NINL: variants seen among roughly 807,000 people sequenced by gnomAD.
NINL encodes the protein ninein-like protein.
In NINL, 153 loss-of-function variants were observed where a neutral mutation model predicts 160.3. The observed-to-expected ratio is 0.95, with a 90% CI of 0.84 to 1.09. The LOEUF (loss-of-function observed/expected upper bound fraction) is 1.09, where lower values mean the gene tolerates loss of function less well. Ranked by LOEUF, NINL falls within the 50% of genes least tolerant of loss-of-function variation. The pLI is 0.00. For missense variants in NINL, 1,829 were observed against 1,764.0 expected, an observed-to-expected ratio of 1.04 and a Z score of -0.66; for synonymous variants, 800 against 734.8, an observed-to-expected ratio of 1.09 and a Z score of -1.43.
At chr20:25,534,510 T>G (rs13040440) in intron 1 of NINL, among the ~76,000 whole-genome samples, 20 of 152,202 alleles carry the variant, frequency 1.3e-4, no homozygotes, top group Non-Finnish European at 2.8e-4. Context: ...CAAACCAAGA[T>G]AGCATGGCCT....
chr20:25,537,857 G>C (rs542900751), intron 1 of NINL, among the ~76,000 whole-genome samples: 1 of 152,312 alleles, frequency 6.6e-6, no homozygotes, highest in African/African-American at 2.4e-5. Flanking sequence ...CTCCTGACAA[G>C]AGTCGAAATG....
At chr20:25,541,973 A>G (rs1329838864) in intron 1 of NINL, among the ~76,000 whole-genome samples, 1 of 152,184 alleles carries the variant, frequency 6.6e-6, no homozygotes, top group Non-Finnish European at 1.5e-5. Context: ...GCAATCAACT[A>G]TTTCAAAACT....
chr20:25,574,338 C>CTTG (rs2065090558), intron 1 of NINL, among the ~76,000 whole-genome samples: 1 of 151,780 alleles, frequency 6.6e-6, no homozygotes, highest in Non-Finnish European at 1.5e-5. Flanking sequence ...GGGCAAGGGC[C>CTTG]TTGTGCCCAC....
chr20:25,453,606 C>T lies in NINL; in HGVS notation c.3994G>A (p.Glu1332Lys), dbSNP rs1434819347. 6.2e-7 allele frequency: 1 copy of T among 1,611,288 alleles called. No homozygotes were observed. The highest frequency in any genetic ancestry group is 8.5e-7 in the Non-Finnish European group (1 of 1,178,694). ...KNTKSDLLLK[E>K]LYVENAHLVR... ...AGGTGGGCGTTCTCCACGTACAGCT[C>T]CTTCAGCAGCAGGTCGGACTTCGTG... The change falls in exon 24 of 24, where the codon GAG becomes AAG. Residue 1332 changes from glutamate (E) to lysine (K), a missense_variant. Glu to Lys is a moderately conservative substitution (Grantham distance 56). Transcript: ENST00000278886.
intron 3 of NINL, among the ~76,000 whole-genome samples, chr20:25,515,471 G>C (rs1439098613): frequency 1.3e-5 from 2 of 152,126 alleles, no homozygotes; most frequent in African/African-American, 4.8e-5. Context: ...CTTTGGACTT[G>C]GGTTTTTGAG....
intron 1 of NINL, among the ~76,000 whole-genome samples, chr20:25,561,627 G>A (rs2064938840): frequency 6.6e-6 from 1 of 151,850 alleles, no homozygotes; most frequent in South Asian, 2.1e-4. Context: ...TAGGAAGTGA[G>A]GAGCGTCTCT....
At chr20:25,518,936 A>G (rs1210506222) in intron 2 of NINL, among the ~76,000 whole-genome samples, 1 of 152,094 alleles carries the variant, frequency 6.6e-6, no homozygotes, top group Non-Finnish European at 1.5e-5. Context: ...CATCTCTGCT[A>G]AAAATTCAAA....
intron 19 of NINL, among the ~76,000 whole-genome samples, chr20:25,463,867 C>T (rs1302937562): frequency 1.3e-5 from 2 of 152,248 alleles, no homozygotes; most frequent in African/African-American, 4.8e-5. Flanking sequence ...CTCACCTCAT[C>T]CCTTCCCTAG....
intron 1 of NINL, among the ~76,000 whole-genome samples, chr20:25,553,999 A>G (rs1218382301): frequency 6.6e-6 from 1 of 152,226 alleles, no homozygotes; most frequent in East Asian, 1.9e-4. Context: ...CCAGGCAGCT[A>G]TGGCTGGACC....
At chr20:25,542,424 CAAG>C (rs1003169900) in intron 1 of NINL, among the ~76,000 whole-genome samples, 26 of 151,598 alleles carry the variant, frequency 1.7e-4, no homozygotes, top group African/African-American at 5.1e-4. Flanking sequence ...CAGAGGAGAC[CAAG>C]AAGAAGAATG....
chr20:25,574,215 C>T (rs73337372), intron 1 of NINL, among the ~76,000 whole-genome samples: 13,304 of 152,212 alleles, frequency 0.087, 956 homozygotes, highest in African/African-American at 0.2. Context: ...TCCATTATCT[C>T]AACTGACTCA....
At chr20:25,494,955 A>G (rs1048657347) in intron 10 of NINL, among the ~76,000 whole-genome samples, 9 of 152,134 alleles carry the variant, frequency 5.9e-5, no homozygotes, top group African/African-American at 2.2e-4. Context: ...AGCTTCACAC[A>G]CGCACGCTCA....
chr20:25,479,333 G>T, intron 15 of NINL, 127 bp from the exon 16 acceptor site: 2 of 1,224,634 alleles, frequency 1.6e-6, no homozygotes, highest in Non-Finnish European at 2.3e-6. Context: ...CTGCCGAGGT[G>T]CCAGGGTGTG....
chr20:25,518,380 A>G (rs2064200630), intron 2 of NINL, among the ~76,000 whole-genome samples: 2 of 152,194 alleles, frequency 1.3e-5, no homozygotes. Context: ...AATGTGCCCT[A>G]TTGGCACATT....
chr20:25,479,797 C>T lies in NINL; in HGVS notation c.1917+364G>A, dbSNP rs186696564. Among the ~76,000 whole-genome samples, 712 of 152,328 alleles carry T rather than the reference C, an allele frequency of 4.7e-3. 1 individual carries two copies. Among genetic ancestry groups the T allele is most frequent in the Non-Finnish European group, 6.8e-3 (463 of 68,028 alleles). The stretch of plus-strand genomic sequence containing the variant: ...CCCTGGCCTCAAAGCCACTGAGCTA[C>T]CCAGGGGGCAAATGCCAGGTCGCTC... On this transcript the variant is annotated intron_variant, in intron 15 of 23. Transcript: ENST00000278886.
At chr20:25,551,176 ATG>A (rs1199380881) in intron 1 of NINL, among the ~76,000 whole-genome samples, 39 of 88,364 alleles carry the variant, frequency 4.4e-4, no homozygotes, top group Non-Finnish European at 2.3e-4. Context: ...AATACAGCAC[ATG>A]TTTTCTGGGA....
At chr20:25,535,350 C>T (rs541900972) in intron 1 of NINL, among the ~76,000 whole-genome samples, 1 of 152,160 alleles carries the variant, frequency 6.6e-6, no homozygotes, top group African/African-American at 2.4e-5. Context: ...AACGTGGTGA[C>T]TACAGTTAAT....
chr20:25,527,791 T>TG (rs1000051052), intron 1 of NINL, among the ~76,000 whole-genome samples: 4 of 152,294 alleles, frequency 2.6e-5, no homozygotes, highest in Middle Eastern at 6.8e-3. Flanking sequence ...CAAACATTTC[T>TG]GGGGGGTACT....
In NINL at chr20:25,467,387, A is replaced by C; in HGVS notation, c.3423+2T>G. 1 of 1,608,964 alleles carries C rather than the reference A, an allele frequency of 6.2e-7. No individual in the cohort carries two copies. The highest frequency in any genetic ancestry group is 8.5e-7 in the Non-Finnish European group (1 of 1,175,236). ...GCTCCATGCCAGGCGTCGATACGTC[A>C]CCTGTCTGTTGAGCACCTCCATCTC... On this transcript the variant is annotated splice_donor_variant, in intron 19 of 23. Coordinates refer to ENST00000278886, the MANE Select transcript of NINL (RefSeq NM_025176.6). LOFTEE classifies it high-confidence loss of function.
Sources: allele counts gnomAD v4.1 joint callset (sites outside exome capture counted in the v4.1 genomes callset), GRCh38; gene constraint gnomAD v4.1.1; transcripts MANE v1.5; gene names NCBI Gene and HGNC (gene_info 2026-07-23, HGNC 2026-07-21).